Variants in KDM5C observed in about 807,000 individuals in gnomAD.
KDM5C encodes the protein lysine-specific demethylase 5C.
Under a neutral mutation model 110.6 loss-of-function variants are expected in KDM5C, and 16 were observed. That is an observed-to-expected ratio of 0.14 (90% CI 0.10 to 0.22). The LOEUF (loss-of-function observed/expected upper bound fraction) is 0.22. KDM5C is among the 10% of genes least tolerant of loss of function. The pLI is 1.00. For missense variants in KDM5C, 681 were observed against 1,300.9 expected, an observed-to-expected ratio of 0.52 and a Z score of 7.33; for synonymous variants, 511 against 520.4, an observed-to-expected ratio of 0.98 and a Z score of 0.24.
At chrX:53,216,882 G>GT (rs1356273533) in intron 5 of KDM5C, among the ~76,000 whole-genome samples, 2 of 112,551 alleles carry the variant, frequency 1.8e-5, no homozygotes, top group Non-Finnish European at 3.8e-5. Context: ...TATGAGCAGA[G>GT]TAAGTCCGGA....
rs782525358 is a variant in KDM5C at position 53,215,958 on chromosome X, C to T, written c.800G>A (p.Cys267Tyr). 8.3e-7 allele frequency: 1 copy of T among 1,211,927 alleles called. No homozygotes were observed. ...LRKKDKEGPE[C>Y]PPTVVVKEEL... ...CTCCTTCACCACTACTGTGGGGGGA[C>T]ACTCAGGCCCCTCCTTATCTGGGAG... Residue 267 changes from cysteine (C) to tyrosine (Y), a missense_variant, in exon 7 of 26, where the codon TGT becomes TAT. By Grantham distance (194) the Cys-to-Tyr change is radical. Transcript: ENST00000375401.
chrX:53,219,337 T>G (rs1569281253), intron 2 of KDM5C, among the ~76,000 whole-genome samples: 1 of 112,746 alleles, frequency 8.9e-6, no homozygotes, highest in Non-Finnish European at 1.9e-5. Context: ...CACCTCCTTA[T>G]GTACCACCAA....
At chrX:53,186,405 A>G, downstream of KDM5C, among the ~76,000 whole-genome samples, 1 of 112,224 alleles carries the variant, frequency 8.9e-6, no homozygotes, top group Middle Eastern at 4.6e-3. Flanking sequence ...CAAGTGACCC[A>G]GGCAAGCTGA....
In KDM5C at chrX:53,214,862, G is replaced by C. The variant is rs1289843396; in HGVS notation, c.964-15C>G. 5.8e-6 allele frequency: 7 copies of C among 1,207,774 alleles called. No homozygotes were observed. Among genetic ancestry groups the C allele is most frequent in the Admixed American group, 2.2e-5 (1 of 45,719 alleles). On this transcript the variant is annotated splice_polypyrimidine_tract_variant and intron_variant, in intron 7 of 25. Coordinates refer to ENST00000375401, the MANE Select transcript of KDM5C (RefSeq NM_004187.5). ...TATGACTCAATCTGCCAGGGGAGAA[G>C]AGCAAAAGTTCTCCATTGGAAATCC...
At chrX:53,177,003 C>G (rs1001392021) in intron 25 of KDM5C, among the ~76,000 whole-genome samples, 5 of 111,510 alleles carry the variant, frequency 4.5e-5, no homozygotes, top group Non-Finnish European at 9.4e-5. Flanking sequence ...AATCCCAGCA[C>G]TTTGTGAGGC....
intron 8 of KDM5C, among the ~76,000 whole-genome samples, chrX:53,213,003 G>GAAAAGA (rs1230423374): frequency 9.0e-6 from 1 of 111,275 alleles, no homozygotes; most frequent in African/African-American, 3.3e-5. Flanking sequence ...TCTGTCGCAA[G>GAAAAGA]AAAAGAAAAA....
Position 53,193,766 on chromosome X carries a change from G to A in KDM5C, c.4117+7C>T. On this transcript the variant is annotated splice_region_variant and intron_variant, in intron 24 of 25. Coordinates refer to ENST00000375401, the MANE Select transcript of KDM5C (RefSeq NM_004187.5). ...CAACAGCCTACCCACACCACACCTA[G>A]ACCTACCTCTCTTACCTGAGCCCTC... 1 of 1,204,755 alleles carries A rather than the reference G, an allele frequency of 8.3e-7. No individual in the cohort carries two copies.
chrX:53,218,737 G>A (rs376032210), intron 2 of KDM5C: 7 of 315,294 alleles, frequency 2.2e-5, no homozygotes, highest in East Asian at 8.4e-5. Context: ...CACCACGCCC[G>A]GCTAATTTTG....
intron 25 of KDM5C, among the ~76,000 whole-genome samples, chrX:53,183,555 TTTTCA>T (rs376549254): frequency 1.1e-4 from 12 of 109,154 alleles, no homozygotes; most frequent in African/African-American, 4.0e-4. Flanking sequence ...AGGATCAGCT[TTTTCA>T]TTTCTTTTTT....
chrX:53,214,625 A>G (rs2073687745), intron 8 of KDM5C, 64 bp downstream of exon 8: 1 of 1,133,167 alleles, frequency 8.8e-7, no homozygotes, highest in Middle Eastern at 2.5e-4. Flanking sequence ...GCTGCCCTCA[A>G]TAAGGCCAGA....
At position 53,196,815 on chromosome X, in the gene KDM5C, C is replaced by G; in HGVS notation, c.2852G>C (p.Arg951Pro). The G allele has an allele frequency of 8.3e-7, 1 of 1,211,486 alleles. No individual in the cohort carries two copies. Among genetic ancestry groups the G allele is most frequent in the Non-Finnish European group, 1.1e-6 (1 of 895,083 alleles). Reference protein sequence around the residue: ...SARRGTLAVMRGLLVAGASVA... With the variant: ...SARRGTLAVMPGLLVAGASVA... ...ACTGGCACCCGCGACCAACAGTCCT[C>G]GCATGACAGCCAAGGTGCCCCTTCG... is the stretch of plus-strand genomic sequence containing the variant. Residue 951 changes from arginine to proline, a missense_variant, in exon 19 of 26, where the codon CGA becomes CCA. Coordinates refer to ENST00000375401, the MANE Select transcript of KDM5C (RefSeq NM_004187.5).
rs1556831986 is a variant in KDM5C at position 53,192,986 on chromosome X, G to A, written c.4664C>T (p.Pro1555Leu). The change falls in exon 26 of 26, where the codon CCG becomes CTG. Residue 1555 changes from proline (P) to leucine (L), a missense_variant. Physicochemically the swap from Pro to Leu is moderately conservative, Grantham distance 98. Coordinates refer to ENST00000375401, the MANE Select transcript of KDM5C (RefSeq NM_004187.5). ...PRLHLPCPQQ[P>L]PQQQL ...CCACTGTCACAACTGTTGCTGAGGC[G>A]GCTGCTGTGGGCAGGGCAGATGCAG... is the stretch of plus-strand genomic sequence containing the variant. The A allele has an allele frequency of 5.1e-6, 6 of 1,173,818 alleles. No individual in the cohort carries two copies. The highest frequency in any genetic ancestry group is 3.0e-5 in the East Asian group (1 of 33,323).
intron 23 of KDM5C, 123 bp downstream of exon 23, chrX:53,194,016 G>A (rs1934627574): frequency 4.0e-6 from 4 of 994,762 alleles, no homozygotes; most frequent in Non-Finnish European, 5.6e-6. Flanking sequence ...GATGCAGAAT[G>A]GAGTAGGAAG....
rs1177258876 is a variant in KDM5C at position 53,181,135 on chromosome X, A to AT, written c.4309-4514dup. 1.4e-3 allele frequency among the ~76,000 whole-genome samples: 150 copies of AT among 106,236 alleles called. 1 individual carries two copies. In the Middle Eastern group the frequency reaches 0.02, roughly 14 times the overall value. 92.3% of individuals were successfully genotyped at this position (106,236 alleles called of 115,157 possible). ...GCCTAGCCTATATTTATATATATATATTTTTTTTTGTTTGTTTGTTTTTTG... is the reference window on the plus strand; with the variant it reads ...GCCTAGCCTATATTTATATATATATATTTTTTTTTTGTTTGTTTGTTTTTTG... On this transcript the variant is annotated intron_variant, in intron 25 of 25. Transcript: ENST00000685641.
rs782138284 is a variant in KDM5C, at chrX:53,194,600, C to T, written c.3577G>A (p.Val1193Met). The T allele has an allele frequency of 8.2e-7, 1 of 1,212,211 alleles. No individual in the cohort carries two copies. The highest frequency in any genetic ancestry group is 2.2e-5 in the Admixed American group (1 of 46,133). ...STTSICVCGQ[V>M]LAGAGALQCD... ...TGCAGAGCTCCCGCCCCAGCCAGCACCTGCCCACACACACAGATAGAGGTT... is the reference window on the plus strand; with the variant it reads ...TGCAGAGCTCCCGCCCCAGCCAGCATCTGCCCACACACACAGATAGAGGTT... Residue 1193 changes from valine (V) to methionine (M), a missense_variant, in exon 23 of 26, where the codon GTG (valine) becomes ATG (methionine). Physicochemically the swap from Val to Met is conservative, Grantham distance 21 (BLOSUM62 1). Coordinates refer to ENST00000375401, the MANE Select transcript of KDM5C (RefSeq NM_004187.5).
intron 1 of KDM5C, among the ~76,000 whole-genome samples, chrX:53,223,670 A>T (rs1418528575): frequency 8.9e-6 from 1 of 112,211 alleles, no homozygotes; most frequent in Non-Finnish European, 1.9e-5. Context: ...AGCCCTTGGG[A>T]GACTTCTAGC....
At chrX:53,183,474 T>C (rs1331375312) in intron 25 of KDM5C, among the ~76,000 whole-genome samples, 1 of 107,432 alleles carries the variant, frequency 9.3e-6, no homozygotes, top group East Asian at 3.0e-4. Flanking sequence ...AAATTGGCCA[T>C]TTGACTTTGT....
intron 23 of KDM5C, 65 bp downstream of exon 23, chrX:53,194,074 G>A: frequency 8.6e-7 from 1 of 1,162,431 alleles, no homozygotes; most frequent in Non-Finnish European, 1.2e-6. Context: ...GCAGGGCCGA[G>A]CCTAAACTGG....
chrX:53,193,388 T>G, intron 25 of KDM5C, 49 bp downstream of exon 25: 2 of 1,211,272 alleles, frequency 1.7e-6, no homozygotes, highest in Non-Finnish European at 2.2e-6. Context: ...AGGCCTGGGC[T>G]CCCTACTCGG....
Sources: allele counts gnomAD v4.1 joint callset (sites outside exome capture counted in the v4.1 genomes callset), GRCh38; gene constraint gnomAD v4.1.1; transcripts MANE v1.5; gene names NCBI Gene and HGNC (gene_info 2026-07-23, HGNC 2026-07-21).